The following LYPD6B variants were observed in gnomAD, a reference collection of about 807,000 sequenced individuals.
LYPD6B encodes ly6/PLAUR domain-containing protein 6B.
LYPD6B carries 17 observed loss-of-function variants against 22.8 expected under a neutral mutation model. That is an observed-to-expected ratio of 0.75 (90% CI 0.51 to 1.12). The LOEUF is 1.12. LYPD6B is among the 50% of genes most tolerant of loss of function. The pLI, the probability that LYPD6B is intolerant of heterozygous loss-of-function variation, is 0.00. For missense variants in LYPD6B, 221 were observed against 258.3 expected, an observed-to-expected ratio of 0.86 and a Z score of 0.99; for synonymous variants, 106 against 91.6, an observed-to-expected ratio of 1.16 and a Z score of -0.90.
At chr2:149,084,963 C>G (rs78270126) in intron 1 of LYPD6B, among the ~76,000 whole-genome samples, 2,280 of 152,202 alleles carry the variant, frequency 0.015, 52 homozygotes, top group African/African-American at 0.049. Context: ...ACAAGGATAC[C>G]AACTCCAGAA....
chr2:149,204,710 C>T (rs1693395777), intron 3 of LYPD6B: 1 of 153,848 alleles, frequency 6.5e-6, no homozygotes, highest in Non-Finnish European at 1.5e-5. Context: ...GCTCTAGGAT[C>T]TGGCAGAGAT....
intron 3 of LYPD6B, among the ~76,000 whole-genome samples, chr2:149,185,956 C>A (rs1463577089): frequency 6.6e-6 from 1 of 152,302 alleles, no homozygotes; most frequent in Non-Finnish European, 1.5e-5. Context: ...ATGTTCTGAC[C>A]GTACCAGTGA....
At chr2:149,173,243 A>T (rs1034249886) in intron 3 of LYPD6B, among the ~76,000 whole-genome samples, 1 of 151,742 alleles carries the variant, frequency 6.6e-6, no homozygotes, top group Admixed American at 6.6e-5. Context: ...CGAATTGCTA[A>T]CTAGCAAGGT....
At chr2:149,135,700 A>G (rs1482161690) in intron 2 of LYPD6B, among the ~76,000 whole-genome samples, 1 of 144,748 alleles carries the variant, frequency 6.9e-6, no homozygotes, top group African/African-American at 2.6e-5. Context: ...AGCCTGGGCA[A>G]CAGAGGGAGA....
At chr2:149,139,110 A>G (rs1688535903) in intron 2 of LYPD6B, among the ~76,000 whole-genome samples, 1 of 152,126 alleles carries the variant, frequency 6.6e-6, no homozygotes, top group Non-Finnish European at 1.5e-5. Flanking sequence ...GCAGTCCTGA[A>G]CTCAAGGCCA....
At chr2:149,128,767 A>G (rs746442996) in intron 1 of LYPD6B, among the ~76,000 whole-genome samples, 3 of 152,372 alleles carry the variant, frequency 2.0e-5, no homozygotes, top group Middle Eastern at 6.8e-3. Context: ...AACAGGATGC[A>G]TTGTAGAATG....
At chr2:149,154,849 G>A (rs73017057) in intron 2 of LYPD6B, among the ~76,000 whole-genome samples, 20,493 of 152,170 alleles carry the variant, frequency 0.13, 1,596 homozygotes, top group Non-Finnish European at 0.16. Flanking sequence ...GCTAGGGACC[G>A]AAAGAGATAC....
chr2:149,169,999 A>G (rs1250069832), intron 3 of LYPD6B, among the ~76,000 whole-genome samples: 6 of 152,218 alleles, frequency 3.9e-5, no homozygotes, highest in Admixed American at 6.5e-5. Flanking sequence ...AATATGAATT[A>G]TATAAATGTG....
At chr2:149,087,019 A>T (rs79835662) in intron 1 of LYPD6B, among the ~76,000 whole-genome samples, 9,548 of 125,072 alleles carry the variant, frequency 0.076, 962 homozygotes, top group African/African-American at 0.23. Context: ...TTTTTTTTTT[A>T]AAAAAACCCT....
At chr2:149,047,110 G>A (rs546561338) in intron 1 of LYPD6B, among the ~76,000 whole-genome samples, 49 of 152,254 alleles carry the variant, frequency 3.2e-4, no homozygotes, top group Non-Finnish European at 6.2e-4. Context: ...AAAATTAAGA[G>A]AAAAAATAAT....
chr2:149,103,231 A>G (rs78196013), intron 1 of LYPD6B, among the ~76,000 whole-genome samples: 2,215 of 152,316 alleles, frequency 0.015, 26 homozygotes, highest in Non-Finnish European at 0.022. Context: ...ACAGCGTTGC[A>G]TGGTATCTAG....
intron 3 of LYPD6B, among the ~76,000 whole-genome samples, chr2:149,176,590 C>T (rs966170957): frequency 6.6e-6 from 1 of 152,134 alleles, no homozygotes; most frequent in African/African-American, 2.4e-5. Flanking sequence ...ACATCCTAAC[C>T]CCTGACCTGT....
At chr2:149,043,841 G>A (rs1683193152) in intron 1 of LYPD6B, among the ~76,000 whole-genome samples, 3 of 151,958 alleles carry the variant, frequency 2.0e-5, no homozygotes, top group African/African-American at 7.2e-5. Context: ...TTTTCTTTTT[G>A]GTATGTGGGA....
intron 2 of LYPD6B, among the ~76,000 whole-genome samples, chr2:149,152,871 C>T (rs1358572149): frequency 1.3e-5 from 2 of 152,134 alleles, no homozygotes; most frequent in Non-Finnish European, 2.9e-5. Context: ...ATAAACATTG[C>T]ATTGGGCAAC....
At chr2:149,119,511 T>C (rs1425591779) in intron 1 of LYPD6B, among the ~76,000 whole-genome samples, 1 of 152,212 alleles carries the variant, frequency 6.6e-6, no homozygotes, top group Non-Finnish European at 1.5e-5. Context: ...GACATGTACC[T>C]TTGTGACGTG....
chr2:149,160,732 G>T (rs775363964), intron 2 of LYPD6B, 32 bp from the exon 3 acceptor site: 44 of 1,474,422 alleles, frequency 3.0e-5, no homozygotes, highest in Non-Finnish European at 3.8e-5. Flanking sequence ...GTCAGCAGTG[G>T]CTCTTTCCTT....
intron 1 of LYPD6B, among the ~76,000 whole-genome samples, chr2:149,119,755 G>T (rs1306241067): frequency 6.6e-6 from 1 of 152,160 alleles, no homozygotes; most frequent in Non-Finnish European, 1.5e-5. Flanking sequence ...TCCAGTGAAG[G>T]CCCCCAAATG....
At chr2:149,081,788 A>T (rs972883516) in intron 1 of LYPD6B, among the ~76,000 whole-genome samples, 19 of 152,114 alleles carry the variant, frequency 1.2e-4, no homozygotes, top group South Asian at 8.3e-4. Context: ...AACACATTTA[A>T]TTTTTTTTAG....
Position 149,212,999 on chromosome 2 carries a change from G to A in LYPD6B, c.336G>A (p.Gln112=). The A allele has an allele frequency of 6.2e-7, 1 of 1,613,814 alleles. No homozygotes were observed. Among genetic ancestry groups the A allele is most frequent in the Non-Finnish European group, 8.5e-7 (1 of 1,179,834 alleles). Reference sequence around the variant, plus strand: ...TTGTTTCCTCTTGCCTAGATACACAGTACTGTTTGACAGTTCATCACTTCA... The same window carrying A: ...TTGTTTCCTCTTGCCTAGATACACAATACTGTTTGACAGTTCATCACTTCA... The part of the protein sequence containing the change: ...AEDKWCPQNT[Q]YCLTVHHFTS... The change falls in exon 6 of 7, where the codon CAG becomes CAA. Residue 112 remains glutamine, a synonymous_variant. Transcript: ENST00000409642.
Sources: gnomAD v4.1 joint callset for allele counts (sites outside exome capture counted in the v4.1 genomes callset) on GRCh38, gnomAD v4.1.1 for gene constraint, MANE v1.5 for transcripts, NCBI Gene and HGNC (gene_info 2026-07-23, HGNC 2026-07-21) for gene names.